The following CERS3 variants were observed in gnomAD, a reference collection of about 807,000 sequenced individuals.
The protein encoded by CERS3 is LAG1 homolog, ceramide synthase 3.
CERS3 carries 33 observed loss-of-function variants against 50.3 expected under a neutral mutation model. The ratio of observed to expected loss-of-function variants is 0.66; its 90% CI spans 0.50 to 0.88. The LOEUF (loss-of-function observed/expected upper bound fraction) is 0.88. Among genes scored for constraint, CERS3 ranks in the 40% least tolerant of loss-of-function variants. The probability of loss-of-function intolerance (pLI) is 0.00; values close to 1 mark genes in which losing one functional copy is unlikely to be tolerated. For missense variants in CERS3, 470 were observed against 460.3 expected, an observed-to-expected ratio of 1.02 and a Z score of -0.19; for synonymous variants, 176 against 155.2, an observed-to-expected ratio of 1.13 and a Z score of -0.99.
intron 10 of CERS3, among the ~76,000 whole-genome samples, chr15:100,466,841 C>CTCTTTCTCTCTT (rs1567638738): frequency 0.033 from 290 of 8,774 alleles, 25 homozygotes; most frequent in South Asian, 0.2. Flanking sequence ...CCCTCTCTCC[C>CTCTTTCTCTCTT]TCTCTCTTTC....
chr15:100,466,605 G>A (rs1410020222), intron 10 of CERS3, among the ~76,000 whole-genome samples: 1 of 152,036 alleles, frequency 6.6e-6, no homozygotes, highest in Non-Finnish European at 1.5e-5. Context: ...TTGAAATGCA[G>A]GTGCCATGCG....
chr15:100,506,862 T>A (rs1288006127), intron 2 of CERS3, among the ~76,000 whole-genome samples: 1 of 152,236 alleles, frequency 6.6e-6, no homozygotes, highest in South Asian at 2.1e-4. Flanking sequence ...TTGAATGTGG[T>A]GTTGGTTGCA....
At chr15:100,484,392 A>G (rs1197811223) in intron 5 of CERS3, among the ~76,000 whole-genome samples, 158 bp downstream of exon 5, 1 of 152,206 alleles carries the variant, frequency 6.6e-6, no homozygotes, top group Non-Finnish European at 1.5e-5. Context: ...GAGGAAGCAG[A>G]GAAGGCAAAT....
At chr15:100,456,915 C>T (rs2034391925) in intron 10 of CERS3, among the ~76,000 whole-genome samples, 1 of 149,034 alleles carries the variant, frequency 6.7e-6, no homozygotes, top group African/African-American at 2.5e-5. Context: ...CCACTGCACT[C>T]CAGCCTGGGT....
At chr15:100,426,841 G>A (rs911413746) in intron 11 of CERS3, among the ~76,000 whole-genome samples, 3 of 152,044 alleles carry the variant, frequency 2.0e-5, no homozygotes, top group African/African-American at 4.8e-5. Flanking sequence ...TTAGCAAATG[G>A]TACTCCCACC....
At chr15:100,468,619 C>A (rs185595592) in intron 10 of CERS3, among the ~76,000 whole-genome samples, 6 of 152,244 alleles carry the variant, frequency 3.9e-5, no homozygotes, top group South Asian at 2.1e-4. Flanking sequence ...CCCAAGTTCC[C>A]AGACTAGCCC....
rs187509156 is a variant in CERS3 at position 100,504,003 on chromosome 15, A to G, written c.-1-2153T>C. 1.3e-4 allele frequency among the ~76,000 whole-genome samples: 20 copies of G among 152,264 alleles called. 1 individual carries two copies. In the East Asian group the frequency reaches 2.7e-3, roughly 21 times the overall value. Reference sequence around the variant, plus strand: ...GGAAGACTAGATCAGAGGGTAGGATACAAGAGGGGAATACTGAAGTGACAG... The same window carrying G: ...GGAAGACTAGATCAGAGGGTAGGATGCAAGAGGGGAATACTGAAGTGACAG... On this transcript the variant is annotated intron_variant, in intron 2 of 11. Transcript: ENST00000679737.
intron 5 of CERS3, among the ~76,000 whole-genome samples, chr15:100,481,732 C>T (rs767157227): frequency 3.3e-5 from 5 of 152,256 alleles, no homozygotes; most frequent in African/African-American, 4.8e-5. Flanking sequence ...ATAAAACTTA[C>T]GGAAGTTTGA....
chr15:100,509,956 G>T (rs2142355573), intron 2 of CERS3, among the ~76,000 whole-genome samples: 1 of 151,648 alleles, frequency 6.6e-6, no homozygotes, highest in South Asian at 2.1e-4. Context: ...TTGGTTAAAG[G>T]GTCGGGTAAA....
intron 11 of CERS3, among the ~76,000 whole-genome samples, chr15:100,411,839 T>C (rs1005614945): frequency 2.0e-5 from 3 of 152,174 alleles, no homozygotes; most frequent in Admixed American, 1.3e-4. Context: ...TAGTTTTGAT[T>C]TGCGTTTCCC....
rs548804470 is a variant in CERS3 at position 100,524,561 on chromosome 15, G to C, written c.-91-2805C>G. ...AACCCTGTAACTTTGACCCAAAGTG[G>C]AATATAGTAATGATCCTCTGATGTG... On this transcript the variant is annotated intron_variant, in intron 1 of 11. Coordinates refer to ENST00000679737, the MANE Select transcript of CERS3 (RefSeq NM_001378789.1). Among the ~76,000 whole-genome samples the C allele has an allele frequency of 1.4e-4, 21 of 152,298 alleles. No individual in the cohort carries two copies. The South Asian group carries it at 4.3e-3, about 32-fold the overall frequency.
chr15:100,437,799 A>G (rs1439612244), intron 11 of CERS3: 1 of 152,218 alleles, frequency 6.6e-6, no homozygotes, highest in Non-Finnish European at 1.5e-5. Context: ...GAGGCAATGA[A>G]CAAAGTAATA....
At position 100,402,023 on chromosome 15, in the gene CERS3, G is replaced by A. The variant is rs1403623000; in HGVS notation, c.*690C>T. On this transcript the variant is annotated 3_prime_UTR_variant, in exon 12 of 12. Coordinates refer to ENST00000679737, the MANE Select transcript of CERS3 (RefSeq NM_001378789.1). ...GAGTCATTTAAGAGGAATTTTTAAA[G>A]ATTCTGCCTTTTGTTCAGGCCCATT... 1 of 152,248 alleles carries A rather than the reference G, an allele frequency of 6.6e-6. No homozygotes were observed. The highest frequency in any genetic ancestry group is 1.5e-5 in the Non-Finnish European group (1 of 68,048). 9.4% of individuals were successfully genotyped at this position (152,248 alleles called of 1,614,324 possible).
intron 11 of CERS3, among the ~76,000 whole-genome samples, chr15:100,444,224 C>A (rs187866097): frequency 6.6e-5 from 10 of 152,074 alleles, no homozygotes; most frequent in Admixed American, 4.6e-4. Flanking sequence ...CTCTACAGCT[C>A]TCATAACTTC....
chr15:100,408,075 T>G (rs148504331), intron 11 of CERS3, among the ~76,000 whole-genome samples: 1,809 of 152,194 alleles, frequency 0.012, 46 homozygotes, highest in African/African-American at 0.041. Context: ...TTTCACTATG[T>G]TGGCCAGGCT....
At chr15:100,492,174 G>C (rs558505605) in intron 3 of CERS3, among the ~76,000 whole-genome samples, 1 of 152,162 alleles carries the variant, frequency 6.6e-6, no homozygotes, top group Admixed American at 6.5e-5. Context: ...GTGTATTCTG[G>C]TGTTGTTGAG....
intron 11 of CERS3, among the ~76,000 whole-genome samples, chr15:100,417,531 C>A (rs1296668791): frequency 2.8e-4 from 42 of 152,146 alleles, no homozygotes; most frequent in East Asian, 1.2e-3. Context: ...CCCAGGCTTG[C>A]TTAGGTAAAT....
At chr15:100,522,330 C>A (rs1256396598) in intron 1 of CERS3, among the ~76,000 whole-genome samples, 1 of 152,178 alleles carries the variant, frequency 6.6e-6, no homozygotes, top group Admixed American at 6.5e-5. Flanking sequence ...TGCTTTCTAC[C>A]TAACCAGATC....
At chr15:100,515,986 T>G (rs2036477489) in intron 2 of CERS3, among the ~76,000 whole-genome samples, 1 of 152,284 alleles carries the variant, frequency 6.6e-6, no homozygotes, top group East Asian at 1.9e-4. Context: ...CGGGCACAAG[T>G]GACTGGTCCA....
Sources: allele counts gnomAD v4.1 joint callset (sites outside exome capture counted in the v4.1 genomes callset), GRCh38; gene constraint gnomAD v4.1.1; transcripts MANE v1.5; gene names NCBI Gene and HGNC (gene_info 2026-07-23, HGNC 2026-07-21).